Variants in MTDH observed in about 807,000 individuals in gnomAD.
MTDH encodes metadherin.
MTDH carries 34 observed loss-of-function variants against 72.7 expected under a neutral mutation model. That is an observed-to-expected ratio of 0.47 (90% CI 0.36 to 0.62). MTDH has a LOEUF of 0.62. Among genes scored for constraint, MTDH ranks in the 20% least tolerant of loss-of-function variants. The pLI is 0.00. For missense variants in MTDH, 677 were observed against 699.4 expected (o/e 0.97, Z 0.36); for synonymous variants, 266 against 268.9 (o/e 0.99, Z 0.10).
intron 7 of MTDH, 29 bp from the exon 8 acceptor site, chr8:97,706,597 G>A: frequency 1.4e-6 from 2 of 1,473,174 alleles, no homozygotes; most frequent in Non-Finnish European, 1.8e-6. Flanking sequence ...AAAAATGATA[G>A]ACGCCTAATT....
Position 97,644,220 on chromosome 8 carries a change from C to G in MTDH, c.-287C>G. The G allele has an allele frequency of 2.2e-6, 1 of 459,758 alleles. No homozygotes were observed. Among genetic ancestry groups the G allele is most frequent in the Non-Finnish European group, 3.8e-6 (1 of 262,262 alleles). 28.5% of individuals were successfully genotyped at this position (459,758 alleles called of 1,614,324 possible). On this transcript the variant is annotated 5_prime_UTR_variant, in exon 1 of 12. Transcript: ENST00000336273. ...GTTCCGCCGAGGGAGGACAGCGGGG[C>G]CTGGCGCTGGCGCCGAGACGCCGCT...
intron 1 of MTDH, among the ~76,000 whole-genome samples, chr8:97,650,320 G>C (rs1349889826): frequency 6.6e-6 from 1 of 151,368 alleles, no homozygotes; most frequent in Non-Finnish European, 1.5e-5. Context: ...TGTCAACCAG[G>C]CTGGAGTGCA....
intron 8 of MTDH, 62 bp downstream of exon 8, chr8:97,706,812 G>C (rs1814374153): frequency 6.5e-7 from 1 of 1,531,892 alleles, no homozygotes; most frequent in Non-Finnish European, 8.8e-7. Flanking sequence ...GGGCACAGTG[G>C]CTCACGCCTA....
chr8:97,646,576 T>G (rs1407775132), intron 1 of MTDH, among the ~76,000 whole-genome samples: 1 of 151,166 alleles, frequency 6.6e-6, no homozygotes, highest in African/African-American at 2.4e-5. Flanking sequence ...CAGATAAACT[T>G]GAGTTGAGAG....
chr8:97,644,930 G>A (rs1443430580), intron 1 of MTDH, 43 bp downstream of exon 1: 2 of 1,488,712 alleles, frequency 1.3e-6, no homozygotes, highest in Non-Finnish European at 1.8e-6. Flanking sequence ...GCGAAGGGCG[G>A]GCGTGGAGAC....
chr8:97,658,262 T>C (rs1812054106), intron 1 of MTDH, among the ~76,000 whole-genome samples: 1 of 152,180 alleles, frequency 6.6e-6, no homozygotes, highest in African/African-American at 2.4e-5. Flanking sequence ...TTATGTAGAT[T>C]GATGTTGCAA....
intron 7 of MTDH, 55 bp from the exon 8 acceptor site, chr8:97,706,571 C>G (rs1814361980): frequency 1.4e-6 from 2 of 1,454,578 alleles, no homozygotes; most frequent in Non-Finnish European, 9.1e-7. Context: ...TTAGTTTTTG[C>G]CTTTTAATTT....
chr8:97,660,238 C>A (rs1404203338), intron 1 of MTDH, among the ~76,000 whole-genome samples: 1 of 152,214 alleles, frequency 6.6e-6, no homozygotes, highest in Non-Finnish European at 1.5e-5. Context: ...TCATGAGCAT[C>A]TCTAAGTGCT....
At chr8:97,675,892 T>A (rs1812826254) in intron 2 of MTDH, among the ~76,000 whole-genome samples, 1 of 151,680 alleles carries the variant, frequency 6.6e-6, no homozygotes, top group African/African-American at 2.4e-5. Flanking sequence ...AGAATTTACA[T>A]TTAGAACCTG....
At chr8:97,710,479 C>T (rs1281321666) in intron 8 of MTDH, among the ~76,000 whole-genome samples, 1 of 151,416 alleles carries the variant, frequency 6.6e-6, no homozygotes, top group Non-Finnish European at 1.5e-5. Flanking sequence ...CACCCGAGGT[C>T]GGGAGTTTGA....
chr8:97,702,051 T>A (rs957733045), intron 7 of MTDH, among the ~76,000 whole-genome samples: 18 of 152,226 alleles, frequency 1.2e-4, no homozygotes, highest in African/African-American at 4.1e-4. Context: ...TAGTTATTAC[T>A]TCTGAATTTC....
At position 97,661,066 on chromosome 8, in the gene MTDH, G is replaced by A; in HGVS notation, c.382-6G>A. 6.2e-7 allele frequency: 1 copy of A among 1,611,198 alleles called. No individual in the cohort carries two copies. The highest frequency in any genetic ancestry group is 2.2e-5 in the East Asian group (1 of 44,826). On this transcript the variant is annotated splice_region_variant and splice_polypyrimidine_tract_variant and intron_variant, in intron 1 of 11. Transcript: ENST00000336273. ...GATAATATGATACTTTTTGTTGCCT[G>A]TGCAGCCAAATGGGCGGACTGTTGA...
At chr8:97,718,789 C>T (rs536506123) in intron 9 of MTDH, among the ~76,000 whole-genome samples, 2 of 151,940 alleles carry the variant, frequency 1.3e-5, no homozygotes, top group Non-Finnish European at 2.9e-5. Flanking sequence ...CTCCATCTCT[C>T]AGGCTCAAGT....
chr8:97,679,176 G>A (rs1039677756), intron 2 of MTDH, among the ~76,000 whole-genome samples: 1 of 152,070 alleles, frequency 6.6e-6, no homozygotes, highest in Non-Finnish European at 1.5e-5. Context: ...AAAATGGATA[G>A]AATAGCATTT....
intron 1 of MTDH, among the ~76,000 whole-genome samples, chr8:97,650,564 T>C (rs1053566844): frequency 6.6e-6 from 1 of 152,188 alleles, no homozygotes; most frequent in African/African-American, 2.4e-5. Flanking sequence ...CGTTAGTCAC[T>C]GTGCCCAGCC....
intron 1 of MTDH, among the ~76,000 whole-genome samples, chr8:97,660,140 CAA>C (rs1476561684): frequency 1.3e-5 from 2 of 152,076 alleles, no homozygotes; most frequent in Non-Finnish European, 2.9e-5. Context: ...GCCTGGGCAA[CAA>C]GAGCGAAACT....
intron 1 of MTDH, 66 bp downstream of exon 1, chr8:97,644,953 G>T: frequency 6.8e-7 from 1 of 1,461,502 alleles, no homozygotes; most frequent in Non-Finnish European, 9.0e-7. Context: ...TCGAGCTTGG[G>T]GGAGGCCGCG....
At chr8:97,671,088 C>T (rs1190644782) in intron 2 of MTDH, among the ~76,000 whole-genome samples, 4 of 151,844 alleles carry the variant, frequency 2.6e-5, no homozygotes, top group African/African-American at 9.7e-5. Flanking sequence ...GCCTCAGCCT[C>T]CCGAGTAGCT....
At chr8:97,660,810 A>G (rs1210897151) in intron 1 of MTDH, among the ~76,000 whole-genome samples, 1 of 151,960 alleles carries the variant, frequency 6.6e-6, no homozygotes, top group East Asian at 1.9e-4. Flanking sequence ...CTTCCATTCC[A>G]TTATTTTTGT....
Sources: gnomAD v4.1 joint callset for allele counts (sites outside exome capture counted in the v4.1 genomes callset) on GRCh38, gnomAD v4.1.1 for gene constraint, MANE v1.5 for transcripts, NCBI Gene and HGNC (gene_info 2026-07-23, HGNC 2026-07-21) for gene names.